ZEB1: variants seen among roughly 807,000 people sequenced by gnomAD.
ZEB1 encodes the protein zinc finger E-box binding homeobox 1.
Under a neutral mutation model 84.9 loss-of-function variants are expected in ZEB1, and 21 were observed. The observed-to-expected ratio is 0.25, with a 90% CI of 0.18 to 0.36. The LOEUF (loss-of-function observed/expected upper bound fraction) is 0.36, where lower values mean the gene tolerates loss of function less well. ZEB1 is among the 10% of genes least tolerant of loss of function. The pLI is 1.00. For missense variants in ZEB1, 1,104 were observed against 1,330.2 expected (o/e 0.83, Z 2.65); for synonymous variants, 420 against 471.1 (o/e 0.89, Z 1.41).
intron 2 of ZEB1, among the ~76,000 whole-genome samples, chr10:31,494,835 T>C (rs2067001123): frequency 6.6e-6 from 1 of 152,144 alleles, no homozygotes; most frequent in East Asian, 1.9e-4. Flanking sequence ...ATACAAAATA[T>C]TTATTCTGAA....
intron 1 of ZEB1, among the ~76,000 whole-genome samples, chr10:31,405,909 G>T (rs2052918133): frequency 1.3e-5 from 2 of 152,150 alleles, no homozygotes; most frequent in Admixed American, 1.3e-4. Flanking sequence ...TGTTCTCATT[G>T]TTCAACTCCC....
chr10:31,394,215 A>G (rs1046650907), intron 1 of ZEB1, among the ~76,000 whole-genome samples: 1 of 152,210 alleles, frequency 6.6e-6, no homozygotes, highest in African/African-American at 2.4e-5. Flanking sequence ...AGGGCACAGC[A>G]GATGTAAGAG....
At chr10:31,373,955 T>G (rs907012692) in intron 1 of ZEB1, among the ~76,000 whole-genome samples, 4 of 151,700 alleles carry the variant, frequency 2.6e-5, no homozygotes, top group Admixed American at 2.6e-4. Flanking sequence ...TGCATATCCC[T>G]TTTTTTGGGC....
intron 1 of ZEB1, among the ~76,000 whole-genome samples, chr10:31,380,696 A>G (rs967738180): frequency 3.3e-5 from 5 of 152,164 alleles, no homozygotes; most frequent in Admixed American, 2.0e-4. Flanking sequence ...ATCTGAAACA[A>G]TGTATACTGG....
chr10:31,410,458 A>G lies in ZEB1; in HGVS notation c.59-50579A>G, dbSNP rs552304440. Among the ~76,000 whole-genome samples the G allele has an allele frequency of 3.0e-4, 46 of 152,248 alleles. No homozygotes were observed. In the South Asian group the frequency reaches 9.5e-3, roughly 32 times the overall value. ...AATGTTCATCAGGGATATTGGCCTGAAATTCTCTTTTTTTGTTGTGTATCT... is the reference window on the plus strand; with the variant it reads ...AATGTTCATCAGGGATATTGGCCTGGAATTCTCTTTTTTTGTTGTGTATCT... On this transcript the variant is annotated intron_variant, in intron 1 of 8. Transcript: ENST00000424869.
chr10:31,479,491 A>C (rs1388595506), intron 2 of ZEB1, among the ~76,000 whole-genome samples: 1 of 151,938 alleles, frequency 6.6e-6, no homozygotes, highest in Non-Finnish European at 1.5e-5. Context: ...AAATGCAAAA[A>C]TCCTCAACAA....
chr10:31,405,190 A>G (rs545756263), intron 1 of ZEB1, among the ~76,000 whole-genome samples: 35 of 152,278 alleles, frequency 2.3e-4, no homozygotes, highest in African/African-American at 8.4e-4. Flanking sequence ...AAAAATGTGG[A>G]AAATTAACCT....
chr10:31,334,921 T>C (rs984218636), intron 1 of ZEB1, among the ~76,000 whole-genome samples: 4 of 152,150 alleles, frequency 2.6e-5, no homozygotes, highest in African/African-American at 7.2e-5. Context: ...ACAGGTTTAC[T>C]GGCAAATTCT....
chr10:31,369,414 T>C (rs2045277849), intron 1 of ZEB1, among the ~76,000 whole-genome samples: 1 of 152,230 alleles, frequency 6.6e-6, no homozygotes, highest in Non-Finnish European at 1.5e-5. Context: ...CTTCTATGAA[T>C]TTAATCTTAT....
chr10:31,364,641 G>C (rs2044102366), intron 1 of ZEB1, among the ~76,000 whole-genome samples: 3 of 152,334 alleles, frequency 2.0e-5, no homozygotes, highest in African/African-American at 7.2e-5. Context: ...GACCTGACTG[G>C]ATGCACCTCT....
chr10:31,455,142 G>A (rs1419602961), intron 1 of ZEB1, among the ~76,000 whole-genome samples: 1 of 152,138 alleles, frequency 6.6e-6, no homozygotes, highest in African/African-American at 2.4e-5. Flanking sequence ...TGACAAACCT[G>A]ACACAAACAA....
rs547336944 is a variant in ZEB1, at chr10:31,386,111, A to G, written c.58+66819A>G. Among the ~76,000 whole-genome samples the G allele has an allele frequency of 5.3e-5, 8 of 152,140 alleles. No homozygotes were observed. In the South Asian group the frequency reaches 6.2e-4, roughly 12 times the overall value. On this transcript the variant is annotated intron_variant, in intron 1 of 8. Coordinates refer to ENST00000424869, the MANE Select transcript of ZEB1 (RefSeq NM_001174096.2). ...CTTTATTTATATCGATCTACTCTCT[A>G]TGGATGAAAACAGTTAATACTAAAG... is the stretch of plus-strand genomic sequence containing the variant.
intron 1 of ZEB1, among the ~76,000 whole-genome samples, chr10:31,396,414 G>A (rs1048971808): frequency 6.6e-6 from 1 of 152,128 alleles, no homozygotes; most frequent in Non-Finnish European, 1.5e-5. Context: ...TAAACTATTG[G>A]CTACAATATC....
chr10:31,447,404 G>T (rs1469321524), intron 1 of ZEB1, among the ~76,000 whole-genome samples: 67 of 127,872 alleles, frequency 5.2e-4, no homozygotes, highest in African/African-American at 1.8e-3. Flanking sequence ...GGAGAATTTA[G>T]TCCATTTACA....
chr10:31,412,582 C>T (rs1325711494), intron 1 of ZEB1, among the ~76,000 whole-genome samples: 3 of 152,172 alleles, frequency 2.0e-5, no homozygotes, highest in Non-Finnish European at 2.9e-5. Context: ...CTACAGAGGA[C>T]GTCAATTCAT....
Position 31,527,338 on chromosome 10 carries a change from A to G in ZEB1, c.*74A>G, listed in dbSNP as rs971951064. 5 of 1,535,958 alleles carry G rather than the reference A, an allele frequency of 3.3e-6. No individual in the cohort carries two copies. Among genetic ancestry groups the G allele is most frequent in the Non-Finnish European group, 4.4e-6 (5 of 1,145,050 alleles). On this transcript the variant is annotated 3_prime_UTR_variant, in exon 9 of 9. Coordinates refer to ENST00000424869, the MANE Select transcript of ZEB1 (RefSeq NM_001174096.2). ...CAATATTATCCTTGCTTTTCATGGA[A>G]ACACAGTAACCTGTATGCTGTGATT...
intron 2 of ZEB1, among the ~76,000 whole-genome samples, chr10:31,485,347 GACTA>G (rs758595627): frequency 3.3e-5 from 5 of 151,754 alleles, no homozygotes; most frequent in Non-Finnish European, 5.9e-5. Flanking sequence ...GGAAACTAAG[GACTA>G]ACTGAGTTGT....
At position 31,368,073 on chromosome 10, in the gene ZEB1, C is replaced by G. The variant is rs148880874; in HGVS notation, c.58+48781C>G. Among the ~76,000 whole-genome samples the G allele has an allele frequency of 9.1e-3, 1,381 of 151,962 alleles. 13 individuals are homozygous for G. The highest frequency in any genetic ancestry group is 0.031 in the African/African-American group (1,289 of 41,410). ...TTCAGTATCCTCAGGTGGTTGGTGC[C>G]AGGACACCCTCAGATACCAAAATCC... On this transcript the variant is annotated intron_variant, in intron 1 of 8. Transcript: ENST00000424869.
At chr10:31,417,865 A>G (rs1288382882) in intron 1 of ZEB1, among the ~76,000 whole-genome samples, 2 of 152,086 alleles carry the variant, frequency 1.3e-5, no homozygotes, top group African/African-American at 4.8e-5. Flanking sequence ...TACAATCATG[A>G]AAAGACAGTC....
Sources: allele counts gnomAD v4.1 joint callset (sites outside exome capture counted in the v4.1 genomes callset), GRCh38; gene constraint gnomAD v4.1.1; transcripts MANE v1.5; gene names NCBI Gene and HGNC (gene_info 2026-07-23, HGNC 2026-07-21).